PRKX: variants seen among roughly 807,000 people sequenced by gnomAD.
The protein encoded by PRKX is cAMP-dependent protein kinase catalytic subunit PRKX.
A neutral mutation model predicts 22.0 loss-of-function variants in PRKX; 12 were observed. The ratio of observed to expected loss-of-function variants is 0.54; its 90% CI spans 0.35 to 0.88. PRKX has a LOEUF of 0.88. Ranked by LOEUF, PRKX falls within the 40% of genes least tolerant of loss-of-function variation. The pLI is 0.01. For synonymous variants in PRKX, 134 were observed against 137.7 expected, an observed-to-expected ratio of 0.97 and a Z score of 0.19; for missense variants, 217 against 308.0, an observed-to-expected ratio of 0.70 and a Z score of 2.21.
chrX:3,697,427 C>T (rs1928465260), intron 1 of PRKX, among the ~76,000 whole-genome samples: 1 of 111,967 alleles, frequency 8.9e-6, no homozygotes, highest in African/African-American at 3.2e-5. Context: ...AATTGGAGAC[C>T]TGCTTCCTGC....
In PRKX at chrX:3,674,654, G is replaced by A. The variant is rs1394798652; in HGVS notation, c.279C>T (p.His93=). 21 of 1,211,830 alleles carry A rather than the reference G, an allele frequency of 1.7e-5. No homozygotes were observed. Among genetic ancestry groups the A allele is most frequent in the South Asian group, 5.3e-5 (3 of 57,003 alleles). ...PDVIRLKQEQ[H]VHNEKSVLKE... is the part of the protein sequence containing the mutation. ...TCAGGACAGACTTCTCATTGTGTACGTGTTGCTCCTGCTTTAGGCGGATGA... is the reference window on the plus strand; with the variant it reads ...TCAGGACAGACTTCTCATTGTGTACATGTTGCTCCTGCTTTAGGCGGATGA... Residue 93 remains histidine (H), a synonymous_variant, in exon 2 of 9, where the codon CAC becomes CAT. Coordinates refer to ENST00000262848, the MANE Select transcript of PRKX (RefSeq NM_005044.5).
intron 4 of PRKX, among the ~76,000 whole-genome samples, chrX:3,627,387 A>G (rs1351089578): frequency 9.7e-6 from 1 of 103,029 alleles, no homozygotes; most frequent in African/African-American, 3.9e-5. Flanking sequence ...TGTCTCAAAA[A>G]AAATTAAAAA....
At chrX:3,620,935 TTAAAA>T (rs1288494585) in intron 6 of PRKX, among the ~76,000 whole-genome samples, 1 of 111,150 alleles carries the variant, frequency 9.0e-6, no homozygotes, top group South Asian at 3.8e-4. Context: ...GTAAAACTGT[TTAAAA>T]AATAAAATAA....
At chrX:3,676,510 G>A (rs1927959254) in intron 1 of PRKX, among the ~76,000 whole-genome samples, 2 of 111,893 alleles carry the variant, frequency 1.8e-5, no homozygotes, top group South Asian at 7.5e-4. Flanking sequence ...AGGGCAAATG[G>A]ATAAAGAAAA....
intron 1 of PRKX, among the ~76,000 whole-genome samples, chrX:3,698,269 C>T (rs1928484758): frequency 9.0e-6 from 1 of 111,636 alleles, no homozygotes; most frequent in Non-Finnish European, 1.9e-5. Context: ...GAGCCACAGA[C>T]GCAGGAAGAA....
Position 3,605,872 on chromosome X carries a change from A to G in PRKX, c.*3097T>C, listed in dbSNP as rs1297902082. 1 of 112,198 alleles carries G rather than the reference A, an allele frequency of 8.9e-6. No individual in the cohort carries two copies. The highest frequency in any genetic ancestry group is 1.9e-5 in the Non-Finnish European group (1 of 53,296). The allele number at this position is 112,198 out of a possible 1,213,427, so 9.2% of individuals were successfully genotyped here. ...TTCTTATTCTATCATGCTGACAGCA[A>G]ATATAATTTGCCCATCGCTGGCTAT... On this transcript the variant is annotated 3_prime_UTR_variant, in exon 9 of 9. Coordinates refer to ENST00000262848, the MANE Select transcript of PRKX (RefSeq NM_005044.5).
chrX:3,713,550 G>A lies in PRKX; in HGVS notation c.-297C>T, dbSNP rs1231114291. ...GGCGGGGGCCGCGGCCCGGGCTGGG[G>A]GGGGCGAGGCGGGGGCCCTGCGCAT... On this transcript the variant is annotated 5_prime_UTR_variant, in exon 1 of 9. Coordinates refer to ENST00000262848, the MANE Select transcript of PRKX (RefSeq NM_005044.5). 7 of 193,387 alleles carry A rather than the reference G, an allele frequency of 3.6e-5. No homozygotes were observed. The highest frequency in any genetic ancestry group is 6.0e-5 in the African/African-American group (2 of 33,298). 15.9% of individuals were successfully genotyped at this position (193,387 alleles called of 1,213,427 possible).
intron 2 of PRKX, among the ~76,000 whole-genome samples, chrX:3,656,497 A>G (rs17335275): frequency 0.32 from 35,288 of 110,384 alleles, 4,439 homozygotes; most frequent in East Asian, 0.6. Flanking sequence ...TATGGGTGGA[A>G]GTAGATGTTA....
chrX:3,662,722 A>C (rs1336343856), intron 2 of PRKX, among the ~76,000 whole-genome samples: 1 of 107,118 alleles, frequency 9.3e-6, no homozygotes, highest in African/African-American at 3.4e-5. Context: ...AAAATTAAAA[A>C]TTAGGTGGGC....
intron 2 of PRKX, among the ~76,000 whole-genome samples, chrX:3,656,329 T>C (rs1414410552): frequency 3.6e-5 from 4 of 110,533 alleles, no homozygotes; most frequent in Non-Finnish European, 7.6e-5. Flanking sequence ...TGTAGATGGA[T>C]AGTAGGATAT....
chrX:3,694,697 G>A (rs1026103828), intron 1 of PRKX, among the ~76,000 whole-genome samples: 3 of 112,433 alleles, frequency 2.7e-5, no homozygotes, highest in African/African-American at 6.5e-5. Context: ...CTTTGCAAAC[G>A]TGATTAAGCT....
intron 3 of PRKX, among the ~76,000 whole-genome samples, chrX:3,645,145 C>T (rs1927162670): frequency 9.0e-6 from 1 of 111,287 alleles, no homozygotes; most frequent in South Asian, 3.8e-4. Flanking sequence ...GACCACTGGT[C>T]TGGGCAGTGA....
intron 1 of PRKX, among the ~76,000 whole-genome samples, chrX:3,693,778 A>C (rs1011429965): frequency 9.2e-6 from 1 of 108,317 alleles, no homozygotes. Context: ...TCTACTAAAA[A>C]TACAAAAAAA....
Position 3,690,074 on chromosome X carries a change from G to C in PRKX, c.167-15308C>G, listed in dbSNP as rs372064921. 1.3e-4 allele frequency among the ~76,000 whole-genome samples: 15 copies of C among 112,504 alleles called. No individual in the cohort carries two copies. In the East Asian group the frequency reaches 3.9e-3, roughly 29 times the overall value. On this transcript the variant is annotated intron_variant, in intron 1 of 8. Transcript: ENST00000262848. The stretch of plus-strand genomic sequence containing the variant: ...TTTAAAGGGTGAATCTTATGGTATA[G>C]AAATTGTATCTCTATAAACAATGTT...
Position 3,657,823 on chromosome X carries a change from G to C in PRKX, c.336-2411C>G, listed in dbSNP as rs192136686. Among the ~76,000 whole-genome samples, 127 of 111,870 alleles carry C rather than the reference G, an allele frequency of 1.1e-3. 1 individual carries two copies. The highest frequency in any genetic ancestry group is 3.9e-3 in the African/African-American group (121 of 30,842). ...GAGAGATTGAGGAAGGTGGGGGTAG[G>C]GATGAAAGAAGGAACAGAAGATACT... On this transcript the variant is annotated intron_variant, in intron 2 of 8. Coordinates refer to ENST00000262848, the MANE Select transcript of PRKX (RefSeq NM_005044.5).
intron 4 of PRKX, among the ~76,000 whole-genome samples, chrX:3,632,424 G>T (rs955265517): frequency 3.6e-5 from 4 of 111,014 alleles, no homozygotes; most frequent in African/African-American, 1.3e-4. Flanking sequence ...AGTAGTTGGG[G>T]GAGTTGTATT....
At chrX:3,666,307 C>T (rs1460798443) in intron 2 of PRKX, among the ~76,000 whole-genome samples, 1 of 109,785 alleles carries the variant, frequency 9.1e-6, no homozygotes, top group African/African-American at 3.3e-5. Flanking sequence ...AGGCACCCGC[C>T]ACCACGCCCA....
At chrX:3,663,737 C>T (rs1261257092) in intron 2 of PRKX, among the ~76,000 whole-genome samples, 1 of 109,770 alleles carries the variant, frequency 9.1e-6, no homozygotes, top group East Asian at 2.9e-4. Context: ...GCCCCAAGAG[C>T]TGGAAGGACC....
rs7053884 is a variant in PRKX at position 3,713,581 on chromosome X, G to T, written c.-328C>A. 73,402 of 154,182 alleles carry T rather than the reference G, an allele frequency of 0.48. 14,555 individuals are homozygous for T. Among genetic ancestry groups the T allele is most frequent in the East Asian group, 0.93 (6,789 of 7,289 alleles). 12.7% of individuals were successfully genotyped at this position (154,182 alleles called of 1,213,427 possible). A position where few individuals can be genotyped will look rare whatever the true frequency, so the allele number is the denominator to read the frequency against. On this transcript the variant is annotated 5_prime_UTR_variant, in exon 1 of 9. Transcript: ENST00000262848. ...GAGGCGGGGGCCCTGCGCATTCCGG[G>T]TCTCGCGCCCGCCGCCTCCTCCAGC...
Sources: gnomAD v4.1 joint callset for allele counts (sites outside exome capture counted in the v4.1 genomes callset) on GRCh38, gnomAD v4.1.1 for gene constraint, MANE v1.5 for transcripts, NCBI Gene and HGNC (gene_info 2026-07-23, HGNC 2026-07-21) for gene names.